Variants in TYW1B observed in about 807,000 individuals in gnomAD.
The protein encoded by TYW1B is tRNA-yW synthesizing protein 1 homolog B, also known as S-adenosyl-L-methionine-dependent tRNA 4-demethylwyosine synthase TYW1B.
TYW1B carries 73 observed loss-of-function variants against 86.9 expected under a neutral mutation model. The observed-to-expected ratio is 0.84, with a 90% CI of 0.70 to 1.02. TYW1B has a LOEUF of 1.02. TYW1B is among the 50% of genes least tolerant of loss of function. The pLI, the probability that TYW1B is intolerant of heterozygous loss-of-function variation, is 0.00. For missense variants in TYW1B, 637 were observed against 827.4 expected, an observed-to-expected ratio of 0.77 and a Z score of 2.82; for synonymous variants, 248 against 292.8, an observed-to-expected ratio of 0.85 and a Z score of 1.56.
At chr7:72,728,115 C>CA (rs1787035995) in intron 9 of TYW1B, among the ~76,000 whole-genome samples, 1 of 151,944 alleles carries the variant, frequency 6.6e-6, no homozygotes, top group Non-Finnish European at 1.5e-5. Flanking sequence ...GGAATTCATT[C>CA]AAAACCGTTT....
intron 11 of TYW1B, among the ~76,000 whole-genome samples, chr7:72,690,843 G>A (rs545083570): frequency 4.9e-4 from 74 of 152,194 alleles, no homozygotes; most frequent in African/African-American, 1.7e-3. Flanking sequence ...CGCCTCCCGG[G>A]TTGAAGCAAT....
intron 7 of TYW1B, among the ~76,000 whole-genome samples, chr7:72,776,387 C>T (rs1452047307): frequency 6.6e-6 from 1 of 151,532 alleles, no homozygotes; most frequent in East Asian, 1.9e-4. Context: ...AGTTCAAGAC[C>T]AGCATGGCCA....
At chr7:72,596,418 A>T (rs1811533729) in intron 13 of TYW1B, among the ~76,000 whole-genome samples, 2 of 152,144 alleles carry the variant, frequency 1.3e-5, no homozygotes, top group Non-Finnish European at 2.9e-5. Context: ...TAATCAAAAC[A>T]GTGTGATACT....
chr7:72,749,295 TGAG>T (rs1554464435), intron 7 of TYW1B, among the ~76,000 whole-genome samples: 1 of 152,098 alleles, frequency 6.6e-6, no homozygotes, highest in Non-Finnish European at 1.5e-5. Flanking sequence ...ATTGATGACT[TGAG>T]TTTTCTTTTT....
intron 2 of TYW1B, among the ~76,000 whole-genome samples, chr7:72,821,447 T>C (rs1217958802): frequency 2.0e-5 from 3 of 152,294 alleles, no homozygotes; most frequent in Non-Finnish European, 2.9e-5. Flanking sequence ...AGAATAATTA[T>C]TTCAAAACAA....
At chr7:72,727,328 T>C (rs1787018323) in intron 9 of TYW1B, among the ~76,000 whole-genome samples, 1 of 152,146 alleles carries the variant, frequency 6.6e-6, no homozygotes, top group Non-Finnish European at 1.5e-5. Flanking sequence ...AATGGTTGCA[T>C]ATGACGGAAA....
At position 72,661,171 on chromosome 7, in the gene TYW1B, G is replaced by C. The variant is rs868950822; in HGVS notation, c.1507-32174C>G. Among the ~76,000 whole-genome samples, 316 of 141,274 alleles carry C rather than the reference G, an allele frequency of 2.2e-3. 1 individual carries two copies. Among genetic ancestry groups the C allele is most frequent in the African/African-American group, 7.1e-3 (273 of 38,596 alleles). 92.7% of individuals were successfully genotyped at this position (141,274 alleles called of 152,430 possible). A position where few individuals can be genotyped will look rare whatever the true frequency, so the allele number is the denominator to read the frequency against. On this transcript the variant is annotated intron_variant, in intron 11 of 13. Transcript: ENST00000620995. Reference sequence around the variant, plus strand: ...AAGAAGAAGAAGAAGAATATAATGGGAGGAAAAGAATCAGCTGAATAATTG... The same window carrying C: ...AAGAAGAAGAAGAAGAATATAATGGCAGGAAAAGAATCAGCTGAATAATTG...
chr7:72,781,835 GAA>G (rs1190230239), intron 6 of TYW1B, among the ~76,000 whole-genome samples: 1 of 152,174 alleles, frequency 6.6e-6, no homozygotes, highest in African/African-American at 2.4e-5. Context: ...ATGCAAACAG[GAA>G]AGTCAATTAT....
At position 72,773,394 on chromosome 7, in the gene TYW1B, A is replaced by G. The variant is rs868992853; in HGVS notation, c.964+4022T>C. ...AGAACATGAGACATCAGGCAACAAAAGATGGTGATCCCATAGAGATAGGAA... is the reference window on the plus strand; with the variant it reads ...AGAACATGAGACATCAGGCAACAAAGGATGGTGATCCCATAGAGATAGGAA... On this transcript the variant is annotated intron_variant, in intron 7 of 13. Transcript: ENST00000620995. Among the ~76,000 whole-genome samples, 923 of 152,346 alleles carry G rather than the reference A, an allele frequency of 6.1e-3. 28 individuals carry two copies. The highest frequency in any genetic ancestry group is 0.051 in the Admixed American group (773 of 15,282).
intron 11 of TYW1B, among the ~76,000 whole-genome samples, chr7:72,686,761 T>C (rs1554449498): frequency 6.6e-6 from 1 of 152,166 alleles, no homozygotes; most frequent in Non-Finnish European, 1.5e-5. Context: ...TGTGCCACTC[T>C]TGTGGGTGAT....
At chr7:72,727,664 C>A (rs1787024780) in intron 9 of TYW1B, among the ~76,000 whole-genome samples, 1 of 151,862 alleles carries the variant, frequency 6.6e-6, no homozygotes, top group Non-Finnish European at 1.5e-5. Flanking sequence ...AAAAAATTAG[C>A]CAGGCGTGGT....
chr7:72,813,149 A>G (rs1221686660), intron 3 of TYW1B, among the ~76,000 whole-genome samples: 14 of 147,080 alleles, frequency 9.5e-5, no homozygotes, highest in African/African-American at 3.5e-4. Context: ...AAGTTTGTCA[A>G]CCCCAGCTCT....
intron 10 of TYW1B, among the ~76,000 whole-genome samples, chr7:72,706,879 T>C (rs1182125569): frequency 6.6e-6 from 1 of 152,222 alleles, no homozygotes; most frequent in African/African-American, 2.4e-5. Flanking sequence ...ATAAACAGGC[T>C]GTAGGAAAAG....
At chr7:72,690,583 T>C (rs181594493) in intron 11 of TYW1B, among the ~76,000 whole-genome samples, 3 of 152,350 alleles carry the variant, frequency 2.0e-5, no homozygotes, top group African/African-American at 7.2e-5. Flanking sequence ...TCAAAATTTT[T>C]TGTTTATAAA....
At chr7:72,651,304 T>C (rs1181241181) in intron 11 of TYW1B, among the ~76,000 whole-genome samples, 1 of 152,218 alleles carries the variant, frequency 6.6e-6, no homozygotes, top group African/African-American at 2.4e-5. Flanking sequence ...AATATCCCTG[T>C]GTCTTATCAT....
At chr7:72,710,244 T>A (rs1465861902) in intron 10 of TYW1B, among the ~76,000 whole-genome samples, 4 of 152,110 alleles carry the variant, frequency 2.6e-5, no homozygotes, top group Admixed American at 1.3e-4. Flanking sequence ...TGCCTTTAAT[T>A]TAAGACAGAC....
chr7:72,654,603 G>A (rs1362570048), intron 11 of TYW1B, among the ~76,000 whole-genome samples: 17 of 152,180 alleles, frequency 1.1e-4, no homozygotes, highest in Admixed American at 9.2e-4. Context: ...GTTATAGGCC[G>A]GGCACGGTGG....
chr7:72,744,824 G>C (rs1187437554), intron 7 of TYW1B, among the ~76,000 whole-genome samples: 1 of 152,130 alleles, frequency 6.6e-6, no homozygotes, highest in Non-Finnish European at 1.5e-5. Flanking sequence ...CATTAACTCT[G>C]AAAACTCTAC....
chr7:72,619,097 C>T (rs1338689843), intron 12 of TYW1B, among the ~76,000 whole-genome samples: 1 of 152,174 alleles, frequency 6.6e-6, no homozygotes, highest in African/African-American at 2.4e-5. Context: ...CCTTTCCTTC[C>T]ACCAATCACT....
Sources: allele counts gnomAD v4.1 joint callset (sites outside exome capture counted in the v4.1 genomes callset), GRCh38; gene constraint gnomAD v4.1.1; transcripts MANE v1.5; gene names NCBI Gene and HGNC (gene_info 2026-07-23, HGNC 2026-07-21).